The following SEC14L5 variants were observed in gnomAD, a reference collection of about 807,000 sequenced individuals.
The protein encoded by SEC14L5 is SEC14-like protein 5.
Under a neutral mutation model 84.6 loss-of-function variants are expected in SEC14L5, and 96 were observed. That is an observed-to-expected ratio of 1.13 (90% confidence interval 0.96 to 1.34). The LOEUF is 1.34. Among genes scored for constraint, SEC14L5 ranks in the 40% most tolerant of loss-of-function variants. The pLI, the probability that SEC14L5 is intolerant of heterozygous loss-of-function variation, is 0.00. For missense variants in SEC14L5, 1,224 were observed against 942.5 expected, an observed-to-expected ratio of 1.30 and a Z score of -3.91; for synonymous variants, 546 against 383.4, an observed-to-expected ratio of 1.42 and a Z score of -4.95.
intron 2 of SEC14L5, among the ~76,000 whole-genome samples, chr16:4,965,079 A>G (rs975621959): frequency 6.6e-6 from 1 of 152,192 alleles, no homozygotes; most frequent in East Asian, 1.9e-4. Context: ...TGATTGACAC[A>G]TAAAAAGCTA....
chr16:4,995,124 G>C (rs1364928301), intron 6 of SEC14L5, among the ~76,000 whole-genome samples: 1 of 152,192 alleles, frequency 6.6e-6, no homozygotes, highest in Non-Finnish European at 1.5e-5. Context: ...GGGCTTTTCT[G>C]TTTTGGGGGT....
chr16:5,014,898 C>T lies in SEC14L5; in HGVS notation c.2019C>T (p.Phe673=). The change falls in exon 16 of 16, where the codon TTC becomes TTT. Residue 673 remains phenylalanine, a synonymous_variant. Coordinates refer to ENST00000251170, the MANE Select transcript of SEC14L5 (RefSeq NM_014692.2). ...MSSLESCTSG[F]SQLSAATSSS... is the part of the protein sequence containing the mutation. ...GCCTGGAATCCTGCACCAGCGGCTT[C>T]TCCCAGCTCAGCGCCGCCACCTCGT... is the stretch of plus-strand genomic sequence containing the variant. 1 of 1,613,650 alleles carries T rather than the reference C, an allele frequency of 6.2e-7. No individual in the cohort carries two copies.
At chr16:4,970,001 A>G (rs9934974) in intron 2 of SEC14L5, among the ~76,000 whole-genome samples, 61,455 of 151,408 alleles carry the variant, frequency 0.41, 12,930 homozygotes, top group Non-Finnish European at 0.47. Flanking sequence ...TATCTTTTGT[A>G]TAGAAGGGTT....
rs556061200 is a variant in SEC14L5, at chr16:4,981,570, A to T, written c.64-5987A>T. Among the ~76,000 whole-genome samples, 100 of 152,124 alleles carry T rather than the reference A, an allele frequency of 6.6e-4. 1 individual carries two copies. The highest frequency in any genetic ancestry group is 3.4e-3 in the Middle Eastern group (1 of 294). On this transcript the variant is annotated intron_variant, in intron 2 of 15. Coordinates refer to ENST00000251170, the MANE Select transcript of SEC14L5 (RefSeq NM_014692.2). ...CAGAGGGTGGAAAAGGGAGGAGAAG[A>T]TGTGACCGCTTGGCCCGGGGGGACA...
chr16:5,007,974 G>A (rs1216690597), intron 13 of SEC14L5, among the ~76,000 whole-genome samples: 1 of 134,856 alleles, frequency 7.4e-6, no homozygotes, highest in African/African-American at 2.8e-5. Flanking sequence ...GTGGCGCAAT[G>A]TTGGCTCACT....
chr16:4,958,993 T>C (rs1160150975), intron 1 of SEC14L5, among the ~76,000 whole-genome samples: 6 of 148,630 alleles, frequency 4.0e-5, no homozygotes, highest in Non-Finnish European at 8.9e-5. Context: ...TGGGTGGCCG[T>C]AAGGCTTCTG....
At position 5,003,547 on chromosome 16, in the gene SEC14L5, C is replaced by T. The variant is rs1162466981; in HGVS notation, c.1276C>T (p.Arg426Ter). The T allele has an allele frequency of 7.9e-6, 11 of 1,391,390 alleles. No individual in the cohort carries two copies. Among genetic ancestry groups the T allele is most frequent in the East Asian group, 7.8e-5 (2 of 25,662 alleles). The allele number at this position is 1,391,390 out of a possible 1,614,324, so 86.2% of individuals were successfully genotyped here. ...LGRLLIVRAP[R>*]VFPVLWTLIS... ...TCGGCTGCTCATCGTGCGAGCCCCC[C>T]GAGTCTTCCCCGTGCTCTGGACACT... Residue 426 changes from arginine (R) to a stop codon, truncating the protein, a stop_gained, in exon 11 of 16, where the codon CGA becomes TGA. Coordinates refer to ENST00000251170, the MANE Select transcript of SEC14L5 (RefSeq NM_014692.2). LOFTEE classifies it high-confidence loss of function.
chr16:5,014,252 C>T (rs1302713237), intron 15 of SEC14L5, among the ~76,000 whole-genome samples: 4 of 152,194 alleles, frequency 2.6e-5, no homozygotes, highest in Admixed American at 6.5e-5. Flanking sequence ...ACGTTCATCG[C>T]AGGAAGTTCT....
intron 2 of SEC14L5, among the ~76,000 whole-genome samples, chr16:4,963,628 G>A (rs1012585856): frequency 6.6e-5 from 10 of 152,034 alleles, no homozygotes; most frequent in Non-Finnish European, 1.2e-4. Context: ...TTAGAGGCGC[G>A]AGCCACTGGG....
intron 7 of SEC14L5, 111 bp downstream of exon 7, chr16:4,996,571 C>A (rs1387475164): frequency 3.1e-6 from 2 of 637,836 alleles, no homozygotes; most frequent in African/African-American, 3.7e-5. Context: ...TTATCTCTTG[C>A]TTATTTATTT....
chr16:4,965,653 T>C (rs1596612393), intron 2 of SEC14L5, among the ~76,000 whole-genome samples: 1 of 61,080 alleles, frequency 1.6e-5, no homozygotes, highest in South Asian at 6.6e-4. Context: ...AGAGCAAGAC[T>C]CCATCTCAAA....
At chr16:4,975,670 T>A (rs570567531) in intron 2 of SEC14L5, among the ~76,000 whole-genome samples, 5 of 152,250 alleles carry the variant, frequency 3.3e-5, no homozygotes, top group African/African-American at 1.2e-4. Flanking sequence ...TGACTTCTTT[T>A]CCTTTGGGTA....
intron 10 of SEC14L5, among the ~76,000 whole-genome samples, chr16:5,001,506 G>T (rs1596638837): frequency 6.6e-6 from 1 of 152,124 alleles, no homozygotes; most frequent in Non-Finnish European, 1.5e-5. Context: ...TGATCCGCCT[G>T]CCTCGGCCTC....
intron 8 of SEC14L5, among the ~76,000 whole-genome samples, 185 bp from the exon 9 acceptor site, chr16:5,000,470 C>G (rs866738985): frequency 2.6e-5 from 4 of 152,226 alleles, no homozygotes; most frequent in Non-Finnish European, 1.5e-5. Flanking sequence ...GTTTTTCTGC[C>G]TTTCACAATA....
intron 14 of SEC14L5, among the ~76,000 whole-genome samples, chr16:5,010,283 G>C (rs1196014855): frequency 6.8e-6 from 1 of 147,444 alleles, no homozygotes; most frequent in African/African-American, 2.5e-5. Context: ...AGAATCGCTT[G>C]AACCTAGGAG....
chr16:5,008,427 G>A lies in SEC14L5; in HGVS notation c.1579G>A (p.Val527Met), dbSNP rs776380598. Reference protein sequence around the residue: ...VLRGAPHEVAVEILEGESVIT... With the variant: ...VLRGAPHEVAMEILEGESVIT... ...CTCGCCTGTCTCCACACAGGTGGCCGTGGAGATCCTGGAAGGAGAGTCGGT... is the reference window on the plus strand; with the variant it reads ...CTCGCCTGTCTCCACACAGGTGGCCATGGAGATCCTGGAAGGAGAGTCGGT... The change falls in exon 14 of 16, where the codon GTG (valine) becomes ATG (methionine). Residue 527 changes from valine to methionine, a missense_variant. Physicochemically the swap from Val to Met is conservative, Grantham distance 21 (BLOSUM62 1). Coordinates refer to ENST00000251170, the MANE Select transcript of SEC14L5 (RefSeq NM_014692.2). 32 of 1,611,284 alleles carry A rather than the reference G, an allele frequency of 2.0e-5. No individual in the cohort carries two copies. The highest frequency in any genetic ancestry group is 1.2e-4 in the African/African-American group (9 of 74,890).
chr16:4,986,384 C>T (rs1474566412), intron 2 of SEC14L5, among the ~76,000 whole-genome samples: 1 of 152,206 alleles, frequency 6.6e-6, no homozygotes, highest in African/African-American at 2.4e-5. Context: ...AGGTGATCCA[C>T]CTGCCTTGGC....
At chr16:4,995,219 G>T (rs1309035774) in intron 6 of SEC14L5, among the ~76,000 whole-genome samples, 1 of 152,194 alleles carries the variant, frequency 6.6e-6, no homozygotes, top group Non-Finnish European at 1.5e-5. Context: ...CTGCTGCTTT[G>T]TGTGACGTCT....
chr16:5,013,789 C>T (rs933681572), intron 15 of SEC14L5, among the ~76,000 whole-genome samples: 4 of 152,062 alleles, frequency 2.6e-5, no homozygotes, highest in Non-Finnish European at 5.9e-5. Flanking sequence ...AACTCCTGGC[C>T]TCAAGCAATC....
Sources: allele counts gnomAD v4.1 joint callset (sites outside exome capture counted in the v4.1 genomes callset), GRCh38; gene constraint gnomAD v4.1.1; transcripts MANE v1.5; gene names NCBI Gene and HGNC (gene_info 2026-07-23, HGNC 2026-07-21).